LSAMP: variants seen among roughly 807,000 people sequenced by gnomAD.
LSAMP encodes limbic system-associated membrane protein.
Under a neutral mutation model 38.6 loss-of-function variants are expected in LSAMP, and 7 were observed. The ratio of observed to expected loss-of-function variants is 0.18; its 90% CI spans 0.10 to 0.34. LSAMP has a LOEUF of 0.34. LSAMP is among the 10% of genes least tolerant of loss of function. The pLI is 1.00. For missense variants in LSAMP, 313 were observed against 420.0 expected (o/e 0.75, Z 2.23); for synonymous variants, 154 against 166.8 (o/e 0.92, Z 0.59).
chr3:116,390,544 G>C (rs1179909862), intron 1 of LSAMP, among the ~76,000 whole-genome samples: 3 of 152,118 alleles, frequency 2.0e-5, no homozygotes, highest in Non-Finnish European at 4.4e-5. Context: ...AGTTGGAAAG[G>C]AATGCAAGTA....
chr3:116,388,996 A>G lies in LSAMP; in HGVS notation c.155+55881T>C, dbSNP rs1182009913. ...CCAGAGAAAGAGGAGGTGCAATTGC[A>G]AATCTCCAGGAGAGCATTGCTATGC... On this transcript the variant is annotated intron_variant, in intron 1 of 6. Transcript: ENST00000490035. Among the ~76,000 whole-genome samples the G allele has an allele frequency of 5.3e-5, 8 of 152,232 alleles. 1 individual carries two copies. Among genetic ancestry groups the G allele is most frequent in the African/African-American group, 1.4e-4 (6 of 41,440 alleles).
At chr3:116,404,646 A>G (rs571609579) in intron 1 of LSAMP, among the ~76,000 whole-genome samples, 133 of 152,310 alleles carry the variant, frequency 8.7e-4, no homozygotes, top group African/African-American at 3.1e-3. Context: ...CTACAGATAT[A>G]CTATCTCACA....
chr3:115,934,318 C>G (rs921046641), intron 3 of LSAMP, among the ~76,000 whole-genome samples: 10 of 151,878 alleles, frequency 6.6e-5, no homozygotes, highest in Admixed American at 2.6e-4. Flanking sequence ...GGTTGGATTA[C>G]AGGCGCCCGC....
chr3:116,348,185 G>A (rs1018522731), intron 1 of LSAMP, among the ~76,000 whole-genome samples: 6 of 151,840 alleles, frequency 4.0e-5, no homozygotes, highest in Admixed American at 1.3e-4. Context: ...GAATAAATTT[G>A]GTCTCATTTC....
intron 1 of LSAMP, among the ~76,000 whole-genome samples, chr3:116,401,358 T>C (rs891453975): frequency 6.6e-6 from 1 of 152,146 alleles, no homozygotes; most frequent in African/African-American, 2.4e-5. Flanking sequence ...CATTGCTCAC[T>C]GTAGCCTAGA....
chr3:116,188,049 T>C (rs1710664997), intron 1 of LSAMP, among the ~76,000 whole-genome samples: 1 of 152,086 alleles, frequency 6.6e-6, no homozygotes, highest in Non-Finnish European at 1.5e-5. Flanking sequence ...TGCAGTATTT[T>C]GTACACGTTT....
chr3:116,199,128 T>C (rs1048277682), intron 1 of LSAMP, among the ~76,000 whole-genome samples: 1 of 150,604 alleles, frequency 6.6e-6, no homozygotes, highest in Non-Finnish European at 1.5e-5. Flanking sequence ...AAATCAGAAC[T>C]CAGTAGAAAA....
chr3:116,163,911 G>A (rs1165113425), intron 1 of LSAMP, among the ~76,000 whole-genome samples: 1 of 151,944 alleles, frequency 6.6e-6, no homozygotes, highest in African/African-American at 2.4e-5. Flanking sequence ...TATATAATCT[G>A]GAGTTTTCAA....
In LSAMP at chr3:115,802,577, T is replaced by C. The variant is rs1315767136; in HGVS notation, c.*7740A>G. On this transcript the variant is annotated 3_prime_UTR_variant, in exon 7 of 7. Coordinates refer to ENST00000490035, the MANE Select transcript of LSAMP (RefSeq NM_002338.5). ...CTTTTTATCTCCTTCACAGAGCTAGTACCCAGGGAAAAAAATCCACCTAAT... is the reference window on the plus strand; with the variant it reads ...CTTTTTATCTCCTTCACAGAGCTAGCACCCAGGGAAAAAAATCCACCTAAT... 6.6e-6 allele frequency: 1 copy of C among 151,074 alleles called. No homozygotes were observed. The highest frequency in any genetic ancestry group is 1.9e-4 in the East Asian group (1 of 5,184). The allele number at this position is 151,074 out of a possible 1,614,324, so 9.4% of individuals were successfully genotyped here. A position where few individuals can be genotyped will look rare whatever the true frequency, so the allele number is the denominator to read the frequency against.
intron 1 of LSAMP, among the ~76,000 whole-genome samples, chr3:116,240,481 C>T (rs948653089): frequency 1.3e-5 from 2 of 152,146 alleles, no homozygotes; most frequent in Non-Finnish European, 2.9e-5. Context: ...GCCAAGCAAA[C>T]AAAAACGTTT....
chr3:115,938,289 AC>A (rs1337545824), intron 3 of LSAMP, among the ~76,000 whole-genome samples: 2 of 152,192 alleles, frequency 1.3e-5, no homozygotes, highest in Non-Finnish European at 2.9e-5. Context: ...CAAAATAAAT[AC>A]ATCATTGTAC....
At chr3:116,090,068 A>G (rs1397915590) in intron 1 of LSAMP, among the ~76,000 whole-genome samples, 1 of 151,766 alleles carries the variant, frequency 6.6e-6, no homozygotes, top group African/African-American at 2.4e-5. Context: ...AAATGGTAGG[A>G]CCAGGCACGG....
intron 6 of LSAMP, among the ~76,000 whole-genome samples, chr3:115,830,725 A>G (rs1934580652): frequency 6.6e-6 from 1 of 152,238 alleles, no homozygotes; most frequent in Non-Finnish European, 1.5e-5. Flanking sequence ...TCTACAGAAA[A>G]TAAATGAAAC....
chr3:115,884,584 C>A (rs1365516246), intron 3 of LSAMP, among the ~76,000 whole-genome samples: 1 of 151,976 alleles, frequency 6.6e-6, no homozygotes, highest in African/African-American at 2.4e-5. Context: ...TAAGGTTCAT[C>A]ACTGTATAGA....
intron 1 of LSAMP, among the ~76,000 whole-genome samples, chr3:116,248,477 A>ATGTGTGTGTGTGTGTGTGTG (rs3028670): frequency 5.7e-5 from 8 of 140,976 alleles, no homozygotes; most frequent in African/African-American, 2.2e-4. Flanking sequence ...CCTGTCTCTA[A>ATGTGTGTGTGTGTGTGTGTG]TGTGTGTGTG....
chr3:116,378,930 AATGC>A (rs888084724), intron 1 of LSAMP, among the ~76,000 whole-genome samples: 2 of 151,382 alleles, frequency 1.3e-5, no homozygotes, highest in African/African-American at 2.4e-5. Flanking sequence ...GGGCAGAAGT[AATGC>A]ATGTCCCAGG....
chr3:116,379,194 T>C (rs2048528446), intron 1 of LSAMP, among the ~76,000 whole-genome samples: 1 of 152,100 alleles, frequency 6.6e-6, no homozygotes, highest in Non-Finnish European at 1.5e-5. Context: ...GCTATGGTAA[T>C]TGTAAATTAA....
intron 1 of LSAMP, among the ~76,000 whole-genome samples, chr3:116,210,437 G>C (rs563410858): frequency 4.5e-4 from 68 of 152,322 alleles, no homozygotes; most frequent in Non-Finnish European, 8.7e-4. Context: ...CATGCTGGAT[G>C]CTTCCTACCT....
chr3:115,827,102 C>T (rs1934441110), intron 6 of LSAMP, among the ~76,000 whole-genome samples: 1 of 152,056 alleles, frequency 6.6e-6, no homozygotes, highest in South Asian at 2.1e-4. Flanking sequence ...GTGCAAGTTA[C>T]TGCTTGGTTT....
Sources: gnomAD v4.1 joint callset for allele counts (sites outside exome capture counted in the v4.1 genomes callset) on GRCh38, gnomAD v4.1.1 for gene constraint, MANE v1.5 for transcripts, NCBI Gene and HGNC (gene_info 2026-07-23, HGNC 2026-07-21) for gene names.